The following CCDC88A variants were observed in gnomAD, a reference collection of about 807,000 sequenced individuals.
CCDC88A encodes coiled-coil and HOOK domain protein 88A.
A neutral mutation model predicts 234.3 loss-of-function variants in CCDC88A; 54 were observed. The observed-to-expected ratio is 0.23, with a 90% CI of 0.19 to 0.29. The LOEUF (loss-of-function observed/expected upper bound fraction) is 0.29. Ranked by LOEUF, CCDC88A falls within the 10% of genes least tolerant of loss-of-function variation. CCDC88A has a pLI of 1.00. For synonymous variants in CCDC88A, 753 were observed against 737.8 expected, an observed-to-expected ratio of 1.02 and a Z score of -0.33; for missense variants, 1,832 against 2,123.4, an observed-to-expected ratio of 0.86 and a Z score of 2.70.
rs191366067 is a variant in CCDC88A, at chr2:55,376,936, A to G, written c.274-2053T>C. Among the ~76,000 whole-genome samples the G allele has an allele frequency of 4.6e-5, 7 of 152,194 alleles. No homozygotes were observed. The East Asian group carries it at 1.4e-3, about 29-fold the overall frequency. ...AACCTCCGCCTCCCTGGTGCAAGCA[A>G]TTCTCTGCCTCAGCGTCCCGAGTAG... On this transcript the variant is annotated intron_variant, in intron 3 of 32. Transcript: ENST00000436346.
chr2:55,291,468 TA>T lies in CCDC88A; in HGVS notation c.*35+207del, dbSNP rs1033731397. On this transcript the variant is annotated intron_variant, in intron 32 of 32. Coordinates refer to ENST00000436346, the MANE Select transcript of CCDC88A (RefSeq NM_001365480.1). ...TTAAATTTAAAGTGACAAAAAAACT[TA>T]AAAAAAAATACTTGTTCCTTGCGCT... 547 of 338,994 alleles carry T rather than the reference TA, an allele frequency of 1.6e-3. 6 individuals are homozygous for T. In the East Asian group the frequency reaches 0.019, roughly 12 times the overall value. The allele number at this position is 338,994 out of a possible 1,614,324, so 21.0% of individuals were successfully genotyped here.
chr2:55,346,748 T>C (rs188566070), intron 9 of CCDC88A, among the ~76,000 whole-genome samples: 1 of 152,332 alleles, frequency 6.6e-6, no homozygotes, highest in African/African-American at 2.4e-5. Context: ...ATCAAAAAAG[T>C]ACATACTTTA....
chr2:55,327,100 A>G (rs1348328153), intron 17 of CCDC88A, among the ~76,000 whole-genome samples: 1 of 152,122 alleles, frequency 6.6e-6, no homozygotes, highest in African/African-American at 2.4e-5. Flanking sequence ...TCTAAAATTT[A>G]TTCTCTGGCT....
intron 2 of CCDC88A, among the ~76,000 whole-genome samples, chr2:55,401,447 A>AAAAAAAAAAAATAT (rs1334606165): frequency 7.4e-5 from 2 of 27,160 alleles, no homozygotes; most frequent in African/African-American, 1.8e-4. Context: ...AAAAAAAAAA[A>AAAAAAAAAAAATAT]ATATATATAT....
Position 55,334,608 on chromosome 2 carries a change from T to C in CCDC88A, c.2213A>G (p.Lys738Arg). The C allele has an allele frequency of 6.2e-7, 1 of 1,613,646 alleles. No individual in the cohort carries two copies. The highest frequency in any genetic ancestry group is 8.5e-7 in the Non-Finnish European group (1 of 1,179,854). Reference sequence around the variant, plus strand: ...TGCTTTCAGGAGCTCCAAACCCTTCTTAAGTTGCTCTTTTTCACTTTCCAG... The same window carrying C: ...TGCTTTCAGGAGCTCCAAACCCTTCCTAAGTTGCTCTTTTTCACTTTCCAG... ...KELESEKEQLKKGLELLKASF... is the reference protein window; with the variant it reads ...KELESEKEQLRKGLELLKASF... Residue 738 changes from lysine (K) to arginine (R), a missense_variant, in exon 15 of 33, where the codon AAG (lysine) becomes AGG (arginine). Physicochemically the swap from Lys to Arg is conservative, Grantham distance 26. Transcript: ENST00000436346. This position sits in a 1 kb window ranked among gnomAD's most constrained non-coding sequence, Gnocchi z 6.1.
chr2:55,400,089 T>C (rs944134666), intron 2 of CCDC88A, among the ~76,000 whole-genome samples: 5 of 152,236 alleles, frequency 3.3e-5, no homozygotes, highest in Non-Finnish European at 7.3e-5. Flanking sequence ...GAAAATGTAG[T>C]CTATTAAATA....
intron 25 of CCDC88A, among the ~76,000 whole-genome samples, chr2:55,306,387 T>C (rs1445071523): frequency 1.3e-5 from 2 of 152,068 alleles, no homozygotes; most frequent in African/African-American, 2.4e-5. Context: ...AGACCCAGGG[T>C]AACAATAATT....
chr2:55,316,471 T>C (rs1488995790), intron 21 of CCDC88A, among the ~76,000 whole-genome samples: 1 of 152,080 alleles, frequency 6.6e-6, no homozygotes, highest in East Asian at 1.9e-4. Context: ...ATCCCAGCAT[T>C]TTGGGAGGTA....
intron 25 of CCDC88A, among the ~76,000 whole-genome samples, chr2:55,304,564 G>A (rs766694292): frequency 3.3e-5 from 5 of 151,988 alleles, no homozygotes; most frequent in African/African-American, 7.2e-5. Flanking sequence ...AATAAGCTCC[G>A]ATAAACCTAA....
chr2:55,413,746 G>C (rs1209513001), intron 2 of CCDC88A, among the ~76,000 whole-genome samples: 1 of 151,934 alleles, frequency 6.6e-6, no homozygotes, highest in Admixed American at 6.6e-5. Context: ...TGGGTGGATC[G>C]CTTGAGACCA....
intron 26 of CCDC88A, 62 bp downstream of exon 26, chr2:55,303,005 GAA>G (rs1404301020): frequency 1.2e-5 from 12 of 1,038,716 alleles, no homozygotes; most frequent in Non-Finnish European, 1.8e-5. Context: ...AAAGGTTAGT[GAA>G]AAATTAGTAA....
chr2:55,394,018 C>T (rs1677114323), intron 2 of CCDC88A: 1 of 152,004 alleles, frequency 6.6e-6, no homozygotes, highest in South Asian at 2.1e-4. Context: ...AGGTGCAATG[C>T]TATGATCATA....
intron 8 of CCDC88A, among the ~76,000 whole-genome samples, chr2:55,350,959 A>G (rs2589084): frequency 0.42 from 64,015 of 152,092 alleles, 14,203 homozygotes; most frequent in East Asian, 0.85. Context: ...GCCCAAAACC[A>G]TAATTTTTAA....
At chr2:55,297,033 A>T (rs1680116956) in intron 29 of CCDC88A, 1 of 150,622 alleles carries the variant, frequency 6.6e-6, no homozygotes, top group East Asian at 2.0e-4. Context: ...AAATACAAAA[A>T]ATTTGCCAGG....
chr2:55,359,180 T>C lies in CCDC88A; in HGVS notation c.627+3128A>G, dbSNP rs542950098. Among the ~76,000 whole-genome samples, 183 of 152,266 alleles carry C rather than the reference T, an allele frequency of 1.2e-3. 2 individuals are homozygous for C. The highest frequency in any genetic ancestry group is 4.2e-3 in the African/African-American group (175 of 41,580). Reference sequence around the variant, plus strand: ...CTCCTTTGTATCTCTCAATCTCTAATTTTATCTAGCATAGTATTTTACACA... The same window carrying C: ...CTCCTTTGTATCTCTCAATCTCTAACTTTATCTAGCATAGTATTTTACACA... On this transcript the variant is annotated intron_variant, in intron 7 of 32. Coordinates refer to ENST00000436346, the MANE Select transcript of CCDC88A (RefSeq NM_001365480.1).
chr2:55,363,490 T>C (rs1306159631), intron 6 of CCDC88A: 3 of 152,118 alleles, frequency 2.0e-5, no homozygotes, highest in Non-Finnish European at 4.4e-5. Context: ...TAGACTTAAG[T>C]TTTTATATGA....
At position 55,309,900 on chromosome 2, in the gene CCDC88A, T is replaced by TTG. The variant is rs554744151; in HGVS notation, c.4080-648_4080-647dup. 1.3e-5 allele frequency among the ~76,000 whole-genome samples: 2 copies of TTG among 151,980 alleles called. No individual in the cohort carries two copies. The highest frequency in any genetic ancestry group is 6.6e-5 in the Admixed American group (1 of 15,256). ...TAAATTAATATAATAACATATAATA[T>TTG]TGTGTGTGTGTATATATATAAAATG... On this transcript the variant is annotated intron_variant, in intron 23 of 32. Coordinates refer to ENST00000436346, the MANE Select transcript of CCDC88A (RefSeq NM_001365480.1). The surrounding 1 kb of genome is among the most constrained non-coding windows in gnomAD (Gnocchi z 5.1).
intron 29 of CCDC88A, among the ~76,000 whole-genome samples, chr2:55,297,696 C>T (rs1285430977): frequency 6.6e-6 from 1 of 151,510 alleles, no homozygotes; most frequent in Non-Finnish European, 1.5e-5. Context: ...CAGGTGTGAG[C>T]CACCGCACCT....
chr2:55,353,533 C>T (rs1670157683), intron 8 of CCDC88A, among the ~76,000 whole-genome samples: 1 of 151,110 alleles, frequency 6.6e-6, no homozygotes, highest in Non-Finnish European at 1.5e-5. Context: ...TTCTACCTTG[C>T]ATATTCAATC....
Sources: allele counts gnomAD v4.1 joint callset (sites outside exome capture counted in the v4.1 genomes callset), GRCh38; gene constraint gnomAD v4.1.1; non-coding constraint Gnocchi (gnomAD v3.1); transcripts MANE v1.5; gene names NCBI Gene and HGNC (gene_info 2026-07-23, HGNC 2026-07-21).